Variants in DLGAP1 observed in about 807,000 individuals in gnomAD.
The protein encoded by DLGAP1 is DLG associated protein 1.
DLGAP1 carries 11 observed loss-of-function variants against 90.8 expected under a neutral mutation model. The observed-to-expected ratio is 0.12, with a 90% CI of 0.08 to 0.20. The LOEUF is 0.20. DLGAP1 is among the 10% of genes least tolerant of loss of function. The pLI is 1.00. For synonymous variants in DLGAP1, 558 were observed against 540.7 expected (o/e 1.03, Z -0.44); for missense variants, 1,050 against 1,333.8 (o/e 0.79, Z 3.31).
chr18:4,131,282 G>T (rs373485877), intron 2 of DLGAP1, among the ~76,000 whole-genome samples: 2 of 152,180 alleles, frequency 1.3e-5, no homozygotes, highest in African/African-American at 4.8e-5. Context: ...GTCAAACCAT[G>T]TGTGGGCTCA....
intron 2 of DLGAP1, among the ~76,000 whole-genome samples, chr18:4,041,396 C>T (rs1239013756): frequency 6.6e-6 from 1 of 152,168 alleles, no homozygotes; most frequent in Admixed American, 6.6e-5. Flanking sequence ...CAGATTGTTA[C>T]AAAGTTAAGA....
intron 1 of DLGAP1, among the ~76,000 whole-genome samples, chr18:4,235,561 T>G (rs2078391201): frequency 6.6e-6 from 1 of 152,126 alleles, no homozygotes; most frequent in Non-Finnish European, 1.5e-5. Flanking sequence ...ACATAAAAAT[T>G]TCTTTGTTCA....
chr18:3,947,659 C>G (rs2072903312), intron 3 of DLGAP1, among the ~76,000 whole-genome samples: 1 of 152,224 alleles, frequency 6.6e-6, no homozygotes, highest in Non-Finnish European at 1.5e-5. Flanking sequence ...ACTCCCCCCA[C>G]CCCAATTTCA....
At chr18:3,568,812 A>G (rs1283465567) in intron 8 of DLGAP1, among the ~76,000 whole-genome samples, 1 of 151,542 alleles carries the variant, frequency 6.6e-6, no homozygotes, top group East Asian at 1.9e-4. Flanking sequence ...TCAGCTTCCC[A>G]AGTGTCTGGG....
intron 9 of DLGAP1, among the ~76,000 whole-genome samples, chr18:3,553,627 G>T (rs528811446): frequency 1.3e-5 from 2 of 152,044 alleles, no homozygotes; most frequent in African/African-American, 2.4e-5. Flanking sequence ...TCCGTCTTCC[G>T]GGTTCAAGCA....
chr18:3,638,046 C>A (rs1342475410), intron 7 of DLGAP1, among the ~76,000 whole-genome samples: 17 of 149,382 alleles, frequency 1.1e-4, no homozygotes, highest in Non-Finnish European at 1.8e-4. Flanking sequence ...TCCCGGGTTC[C>A]CGCCATTCTC....
intron 5 of DLGAP1, among the ~76,000 whole-genome samples, chr18:3,813,299 A>T (rs1383041262): frequency 6.6e-6 from 1 of 152,134 alleles, no homozygotes; most frequent in Non-Finnish European, 1.5e-5. Flanking sequence ...CGCCCACAGC[A>T]TTCAGTACAG....
At position 3,740,437 on chromosome 18, in the gene DLGAP1, G is replaced by A. The variant is rs555501384; in HGVS notation, c.1350+1898C>T. Reference sequence around the variant, plus strand: ...ATTTCTGTAAAGCAAGGAAACACACGATGGGTCAGCACTGAAATCCCACAT... The same window carrying A: ...ATTTCTGTAAAGCAAGGAAACACACAATGGGTCAGCACTGAAATCCCACAT... On this transcript the variant is annotated intron_variant, in intron 6 of 12. Coordinates refer to ENST00000315677, the MANE Select transcript of DLGAP1 (RefSeq NM_004746.4). 1.1e-3 allele frequency among the ~76,000 whole-genome samples: 164 copies of A among 152,176 alleles called. 2 individuals carry two copies. The highest frequency in any genetic ancestry group is 3.8e-3 in the African/African-American group (158 of 41,512).
chr18:3,615,286 G>T (rs2057812643), intron 7 of DLGAP1, among the ~76,000 whole-genome samples: 1 of 152,176 alleles, frequency 6.6e-6, no homozygotes, highest in Non-Finnish European at 1.5e-5. Context: ...TTGAGTAAAT[G>T]AGTAGAAAAG....
chr18:4,176,021 A>T (rs956121916), intron 1 of DLGAP1, among the ~76,000 whole-genome samples: 2 of 152,190 alleles, frequency 1.3e-5, no homozygotes, highest in African/African-American at 4.8e-5. Context: ...TTTGGGCAGT[A>T]TGGCCATTTT....
At chr18:4,107,989 TGAGTAAC>T (rs2075900316) in intron 2 of DLGAP1, among the ~76,000 whole-genome samples, 1 of 152,196 alleles carries the variant, frequency 6.6e-6, no homozygotes, top group African/African-American at 2.4e-5. Flanking sequence ...CTAGGCATAC[TGAGTAAC>T]TTGAGAAAAC....
intron 5 of DLGAP1, among the ~76,000 whole-genome samples, chr18:3,756,274 C>A (rs573434223): frequency 2.3e-4 from 35 of 152,178 alleles, no homozygotes; most frequent in Admixed American, 6.5e-4. Flanking sequence ...TGGTCTCGAT[C>A]TCCTGACCTT....
intron 2 of DLGAP1, among the ~76,000 whole-genome samples, chr18:4,129,286 A>AT (rs2076278507): frequency 1.3e-5 from 2 of 152,202 alleles, no homozygotes; most frequent in South Asian, 4.1e-4. Context: ...AGAGAAACCC[A>AT]TAAGGAGCTT....
intron 1 of DLGAP1, among the ~76,000 whole-genome samples, chr18:4,279,600 C>T (rs919095338): frequency 2.0e-5 from 3 of 152,250 alleles, no homozygotes; most frequent in South Asian, 4.2e-4. Context: ...CAAACACCTG[C>T]GTGCCTATAT....
intron 2 of DLGAP1, among the ~76,000 whole-genome samples, chr18:4,021,721 C>G (rs2074613258): frequency 6.6e-6 from 1 of 152,128 alleles, no homozygotes; most frequent in Admixed American, 6.5e-5. Context: ...TCTTCAGCCT[C>G]CCAAGTAGCT....
chr18:3,900,847 A>G (rs2071766335), intron 3 of DLGAP1, among the ~76,000 whole-genome samples: 1 of 152,160 alleles, frequency 6.6e-6, no homozygotes, highest in Admixed American at 6.5e-5. Flanking sequence ...AAGGACAAGG[A>G]GAAAGATATT....
intron 7 of DLGAP1, among the ~76,000 whole-genome samples, chr18:3,708,073 C>T (rs2061492324): frequency 6.6e-6 from 1 of 151,658 alleles, no homozygotes; most frequent in Admixed American, 6.6e-5. Context: ...TGGCGTGACC[C>T]CAGCTCACTG....
At chr18:4,081,450 T>C (rs1377704665) in intron 2 of DLGAP1, among the ~76,000 whole-genome samples, 1 of 152,112 alleles carries the variant, frequency 6.6e-6, no homozygotes, top group Non-Finnish European at 1.5e-5. Context: ...GTGCCTCCTG[T>C]TGGGGCTCAG....
In DLGAP1 at chr18:4,095,751, T is replaced by C. The variant is rs551917138; in HGVS notation, c.-159+55429A>G. Among the ~76,000 whole-genome samples, 15 of 151,712 alleles carry C rather than the reference T, an allele frequency of 9.9e-5. No individual in the cohort carries two copies. In the South Asian group the frequency reaches 1.7e-3, roughly 17 times the overall value. ...CATAATATAACACACTAGATGCCAATTGGGATACACATTGATGAATAAAGA... is the reference window on the plus strand; with the variant it reads ...CATAATATAACACACTAGATGCCAACTGGGATACACATTGATGAATAAAGA... On this transcript the variant is annotated intron_variant, in intron 2 of 12. Coordinates refer to ENST00000315677, the MANE Select transcript of DLGAP1 (RefSeq NM_004746.4).
Sources: gnomAD v4.1 joint callset for allele counts (sites outside exome capture counted in the v4.1 genomes callset) on GRCh38, gnomAD v4.1.1 for gene constraint, MANE v1.5 for transcripts, NCBI Gene and HGNC (gene_info 2026-07-23, HGNC 2026-07-21) for gene names.